The following CFAP91 variants were observed in gnomAD, a reference collection of about 807,000 sequenced individuals.
CFAP91 encodes cilia- and flagella-associated protein 91.
Under a neutral mutation model 95.9 loss-of-function variants are expected in CFAP91, and 85 were observed. The observed-to-expected ratio is 0.89, with a 90% CI of 0.74 to 1.06. The LOEUF (loss-of-function observed/expected upper bound fraction) is 1.06, where lower values mean the gene tolerates loss of function less well. CFAP91 is among the 50% of genes least tolerant of loss of function. The pLI, the probability that CFAP91 is intolerant of heterozygous loss-of-function variation, is 0.00. For synonymous variants in CFAP91, 335 were observed against 327.5 expected, an observed-to-expected ratio of 1.02 and a Z score of -0.25; for missense variants, 962 against 943.4, an observed-to-expected ratio of 1.02 and a Z score of -0.26.
At chr3:119,710,034 G>C (rs1027581593) in intron 5 of CFAP91, 139 bp downstream of exon 5, 3 of 666,576 alleles carry the variant, frequency 4.5e-6, no homozygotes, top group African/African-American at 3.6e-5. Context: ...AAATCTTCTA[G>C]TGTGTCATGA....
chr3:119,750,767 T>A (rs2054309932), intron 16 of CFAP91, 170 bp from the exon 17 acceptor site: 1 of 679,108 alleles, frequency 1.5e-6, no homozygotes, highest in Non-Finnish European at 2.5e-6. Flanking sequence ...GAAAGGAGTA[T>A]GACTGGGCTG....
intron 1 of CFAP91, 128 bp from the exon 2 acceptor site, chr3:119,706,681 C>A: frequency 1.5e-6 from 1 of 686,558 alleles, no homozygotes; most frequent in Non-Finnish European, 2.6e-6. Flanking sequence ...TGAGCTGCTG[C>A]AGAGTCAGAC....
chr3:119,707,430 G>T lies in CFAP91; in HGVS notation c.228G>T (p.Met76Ile). 6.4e-7 allele frequency: 1 copy of T among 1,573,822 alleles called. No individual in the cohort carries two copies. The highest frequency in any genetic ancestry group is 8.7e-7 in the Non-Finnish European group (1 of 1,153,874). ...RLRKVPRFKT[M>I]FSNLIHYPRY... The stretch of plus-strand genomic sequence containing the variant: ...GAAAAGTTCCCAGGTTTAAAACCAT[G>T]TTCAGTAACCTGATCCATTATCCAA... Residue 76 changes from methionine (M) to isoleucine (I), a missense_variant, in exon 3 of 18, where the codon ATG becomes ATT. Physicochemically the swap from Met to Ile is conservative, Grantham distance 10 (BLOSUM62 1). Coordinates refer to ENST00000273390, the MANE Select transcript of CFAP91 (RefSeq NM_033364.4).
intron 17 of CFAP91, among the ~76,000 whole-genome samples, chr3:119,759,688 A>AGGG (rs1162925258): frequency 6.6e-6 from 1 of 152,028 alleles, no homozygotes; most frequent in Non-Finnish European, 1.5e-5. Flanking sequence ...TAATTTGTTA[A>AGGG]GGGATACACA....
rs2053781227 is a variant in CFAP91 at position 119,726,234 on chromosome 3, C to A, written c.746C>A (p.Ala249Asp). ...ATAGAAAGAGCCCGCGAGAAGCGTGCTTGGGAAGCCTCTCTCCCCGCTCTG... is the reference window on the plus strand; with the variant it reads ...ATAGAAAGAGCCCGCGAGAAGCGTGATTGGGAAGCCTCTCTCCCCGCTCTG... ...EMIERAREKR[A>D]WEASLPALSD... The change falls in exon 7 of 18, where the codon GCT (alanine) becomes GAT (aspartate). Residue 249 changes from alanine (A) to aspartate (D), a missense_variant. Physicochemically the swap from Ala to Asp is moderately radical, Grantham distance 126. Coordinates refer to ENST00000273390, the MANE Select transcript of CFAP91 (RefSeq NM_033364.4). 5.0e-6 allele frequency: 8 copies of A among 1,613,738 alleles called. No homozygotes were observed. Among genetic ancestry groups the A allele is most frequent in the Non-Finnish European group, 6.8e-6 (8 of 1,179,854 alleles).
At chr3:119,728,119 A>G (rs1406574514) in intron 7 of CFAP91, among the ~76,000 whole-genome samples, 1 of 146,672 alleles carries the variant, frequency 6.8e-6, no homozygotes, top group East Asian at 1.9e-4. Context: ...CAATAATAAT[A>G]ATATGATAAT....
intron 6 of CFAP91, 57 bp from the exon 7 acceptor site, chr3:119,726,114 C>T (rs2053777404): frequency 1.4e-6 from 2 of 1,455,144 alleles, no homozygotes; most frequent in Non-Finnish European, 1.9e-6. Context: ...TAATTATATA[C>T]TGGGGGGTGC....
At chr3:119,728,107 G>A (rs2053820490) in intron 7 of CFAP91, among the ~76,000 whole-genome samples, 1 of 149,170 alleles carries the variant, frequency 6.7e-6, no homozygotes, top group South Asian at 2.1e-4. Flanking sequence ...AAGGAGCTCT[G>A]TCAATAATAA....
At chr3:119,736,275 T>TTCTTTTTC (rs1242187008) in intron 10 of CFAP91, among the ~76,000 whole-genome samples, 3 of 141,820 alleles carry the variant, frequency 2.1e-5, no homozygotes, top group African/African-American at 7.9e-5. Context: ...ATTGTTTTTT[T>TTCTTTTTC]TTTTTTTTTT....
At chr3:119,720,575 G>A (rs2107870864) in intron 6 of CFAP91, among the ~76,000 whole-genome samples, 1 of 152,234 alleles carries the variant, frequency 6.6e-6, no homozygotes, top group South Asian at 2.1e-4. Context: ...CAGTTTTACA[G>A]GTAAGTTTAC....
chr3:119,758,929 A>G (rs1160779350), intron 17 of CFAP91, among the ~76,000 whole-genome samples: 1 of 152,112 alleles, frequency 6.6e-6, no homozygotes, highest in Non-Finnish European at 1.5e-5. Flanking sequence ...CATTCCTTTC[A>G]TTAAGATAAC....
At chr3:119,756,288 A>T (rs1246141345) in intron 17 of CFAP91, among the ~76,000 whole-genome samples, 1 of 152,182 alleles carries the variant, frequency 6.6e-6, no homozygotes, top group African/African-American at 2.4e-5. Context: ...AGATGGAATG[A>T]TATGTTCAAT....
intron 8 of CFAP91, among the ~76,000 whole-genome samples, chr3:119,731,161 C>T (rs2053889291): frequency 6.6e-6 from 1 of 152,108 alleles, no homozygotes; most frequent in Admixed American, 6.5e-5. Context: ...GGCTTGAGCC[C>T]AGGAGCTCAA....
intron 4 of CFAP91, among the ~76,000 whole-genome samples, chr3:119,708,941 C>T (rs2053425872): frequency 6.6e-6 from 1 of 151,062 alleles, no homozygotes; most frequent in African/African-American, 2.4e-5. Flanking sequence ...ATCTGGGGTT[C>T]CAACTAAGCC....
intron 7 of CFAP91, 130 bp downstream of exon 7, chr3:119,726,478 G>A: frequency 1.2e-6 from 1 of 832,442 alleles, no homozygotes; most frequent in East Asian, 3.0e-5. Context: ...ATAGGAAATT[G>A]GGCATCCGGT....
At chr3:119,727,317 T>TA (rs949102242) in intron 7 of CFAP91, among the ~76,000 whole-genome samples, 2 of 152,292 alleles carry the variant, frequency 1.3e-5, no homozygotes, top group South Asian at 2.1e-4. Flanking sequence ...TGCAATTTAG[T>TA]AAAAAAATAG....
At chr3:119,714,824 T>G (rs941151849) in intron 5 of CFAP91, among the ~76,000 whole-genome samples, 4 of 152,238 alleles carry the variant, frequency 2.6e-5, no homozygotes, top group African/African-American at 9.6e-5. Flanking sequence ...TTACCCTCAA[T>G]TCTATTGATC....
chr3:119,711,643 T>G (rs2053475587), intron 5 of CFAP91, among the ~76,000 whole-genome samples: 1 of 152,112 alleles, frequency 6.6e-6, no homozygotes, highest in African/African-American at 2.4e-5. Flanking sequence ...TATTCCTGAG[T>G]GAGGTCAATT....
intron 5 of CFAP91, 25 bp from the exon 6 acceptor site, chr3:119,715,537 T>A: frequency 6.2e-7 from 1 of 1,605,378 alleles, no homozygotes; most frequent in African/African-American, 1.3e-5. Flanking sequence ...AGGTTTCAAT[T>A]TTTAAACTGA....
Sources: allele counts gnomAD v4.1 joint callset (sites outside exome capture counted in the v4.1 genomes callset), GRCh38; gene constraint gnomAD v4.1.1; transcripts MANE v1.5; gene names NCBI Gene and HGNC (gene_info 2026-07-23, HGNC 2026-07-21).